The following FAM184B variants were observed in gnomAD, a reference collection of about 807,000 sequenced individuals.
FAM184B encodes the protein family with sequence similarity 184 member B, also known as protein FAM184B.
In FAM184B, 111 loss-of-function variants were observed where a neutral mutation model predicts 135.9. The ratio of observed to expected loss-of-function variants is 0.82; its 90% CI spans 0.70 to 0.96. The LOEUF is 0.96. Among genes scored for constraint, FAM184B ranks in the 40% least tolerant of loss-of-function variants. The pLI is 0.00. For missense variants in FAM184B, 1,375 were observed against 1,323.9 expected, an observed-to-expected ratio of 1.04 and a Z score of -0.60; for synonymous variants, 552 against 524.8, an observed-to-expected ratio of 1.05 and a Z score of -0.71.
intron 13 of FAM184B, among the ~76,000 whole-genome samples, chr4:17,641,643 CTTTTTTTTTTT>C (rs34886078): frequency 7.0e-4 from 17 of 24,376 alleles, no homozygotes; most frequent in South Asian, 2.2e-3. Context: ...CACGCCCGGC[CTTTTTTTTTTT>C]TTTTTTTTTT....
chr4:17,712,660 T>C lies in FAM184B; in HGVS notation c.142-3016A>G, dbSNP rs565465036. ...GAGGTCAGGGCAACATCAGGGATCC[T>C]GGGGGAGGCTGAGCAAGTGGGGAGC... On this transcript the variant is annotated intron_variant, in intron 1 of 17. Coordinates refer to ENST00000265018, the MANE Select transcript of FAM184B (RefSeq NM_015688.2). Among the ~76,000 whole-genome samples, 6 of 152,222 alleles carry C rather than the reference T, an allele frequency of 3.9e-5. No individual in the cohort carries two copies. In the East Asian group the frequency reaches 9.7e-4, roughly 25 times the overall value.
intron 6 of FAM184B, among the ~76,000 whole-genome samples, chr4:17,689,543 C>A (rs10939747): frequency 0.61 from 91,999 of 151,970 alleles, 28,398 homozygotes; most frequent in East Asian, 0.87. Context: ...TGTTTATAAC[C>A]CCAATGACAC....
rs1256817690 is a variant in FAM184B at position 17,781,106 on chromosome 4, C to A, written c.141+53G>T. The stretch of plus-strand genomic sequence containing the variant: ...CGGGAGGCGCATCCGCACTGACTCC[C>A]GGCTCGGGCGCCCCGGGCGTGCAGC... On this transcript the variant is annotated intron_variant, in intron 1 of 17. Transcript: ENST00000265018. The surrounding 1 kb of genome is among the most constrained non-coding windows in gnomAD (Gnocchi z 6.5). The A allele has an allele frequency of 2.0e-6, 3 of 1,465,562 alleles. No homozygotes were observed. The Admixed American group carries it at 7.1e-5, about 34-fold the overall frequency. The allele number at this position is 1,465,562 out of a possible 1,614,324, so 90.8% of individuals were successfully genotyped here.
intron 1 of FAM184B, among the ~76,000 whole-genome samples, chr4:17,719,117 A>G (rs1717464195): frequency 6.6e-6 from 1 of 152,248 alleles, no homozygotes; most frequent in African/African-American, 2.4e-5. Context: ...GAGGTTAACA[A>G]CAATCACTAG....
At chr4:17,729,244 G>C (rs1484911252) in intron 1 of FAM184B, among the ~76,000 whole-genome samples, 1 of 152,262 alleles carries the variant, frequency 6.6e-6, no homozygotes, top group African/African-American at 2.4e-5. Flanking sequence ...AAACAAAGCA[G>C]CTGGGAAGCT....
intron 1 of FAM184B, among the ~76,000 whole-genome samples, chr4:17,755,621 C>T (rs1482712201): frequency 6.6e-6 from 1 of 152,122 alleles, no homozygotes; most frequent in African/African-American, 2.4e-5. Context: ...ATGTTCATTG[C>T]AGCACTATGC....
intron 1 of FAM184B, among the ~76,000 whole-genome samples, chr4:17,725,266 T>C: frequency 6.6e-6 from 1 of 152,058 alleles, no homozygotes; most frequent in East Asian, 1.9e-4. Context: ...AGTGAATAAA[T>C]GGTGAAAAAA....
rs1428624018 is a variant in FAM184B at position 17,631,506 on chromosome 4, T to TCA, written c.*1024_*1025dup. 6.6e-6 allele frequency: 1 copy of TCA among 152,166 alleles called. No homozygotes were observed. Among genetic ancestry groups the TCA allele is most frequent in the Non-Finnish European group, 1.5e-5 (1 of 68,048 alleles). 9.4% of individuals were successfully genotyped at this position (152,166 alleles called of 1,614,324 possible). ...CAAAGAACAGATAATCTAGAGACCT[T>TCA]CACAAGTGATCATGTTGGCACTATG... On this transcript the variant is annotated 3_prime_UTR_variant, in exon 18 of 18. Transcript: ENST00000265018.
At chr4:17,760,170 T>C (rs1224164395) in intron 1 of FAM184B, among the ~76,000 whole-genome samples, 3 of 152,054 alleles carry the variant, frequency 2.0e-5, no homozygotes, top group African/African-American at 4.8e-5. Context: ...TCTTGTAGAT[T>C]AAGAACTGAA....
chr4:17,763,814 ACAG>A (rs1210407296), intron 1 of FAM184B, among the ~76,000 whole-genome samples: 1 of 152,188 alleles, frequency 6.6e-6, no homozygotes, highest in Non-Finnish European at 1.5e-5. Flanking sequence ...AGTGCAAGGA[ACAG>A]CAGATGTTTG....
At chr4:17,705,445 T>A (rs1027834771) in intron 4 of FAM184B, among the ~76,000 whole-genome samples, 9 of 152,236 alleles carry the variant, frequency 5.9e-5, no homozygotes, top group Admixed American at 2.6e-4. Context: ...CAGCCCATAC[T>A]ATGGTAGATT....
At position 17,709,622 on chromosome 4, in the gene FAM184B, C is replaced by T. The variant is rs557375448; in HGVS notation, c.164G>A (p.Arg55His). Residue 55 changes from arginine to histidine, a missense_variant, in exon 2 of 18, where the codon CGC (arginine) becomes CAC (histidine). Physicochemically the swap from Arg to His is conservative, Grantham distance 29. Transcript: ENST00000265018. ...CATGCTGGCCTCAGCCTCATCCTGGCGGGTGTTCAGGGCATAAATCACCTG... is the reference window on the plus strand; with the variant it reads ...CATGCTGGCCTCAGCCTCATCCTGGTGGGTGTTCAGGGCATAAATCACCTG... ...LTKVIYALNT[R>H]QDEAEASMEA... The T allele has an allele frequency of 3.9e-6, 6 of 1,520,520 alleles. No homozygotes were observed. In the East Asian group the frequency reaches 9.8e-5, roughly 25 times the overall value. The allele number at this position is 1,520,520 out of a possible 1,614,324, so 94.2% of individuals were successfully genotyped here.
In FAM184B at chr4:17,660,003, A is replaced by T; in HGVS notation, c.1779T>A (p.Arg593=). The change falls in exon 9 of 18, where the codon CGT becomes CGA. Residue 593 remains arginine, a synonymous_variant. Transcript: ENST00000265018. ...LLKEKTSKIQ[R]LEEDWQSQKA... ...TCTGGCTTTGCCAGTCCTCCTCTAG[A>T]CGCTGGATTTTGGATGTTTTCTCCT... 1.3e-6 allele frequency: 2 copies of T among 1,551,460 alleles called. No homozygotes were observed. The highest frequency in any genetic ancestry group is 1.7e-6 in the Non-Finnish European group (2 of 1,146,984).
At chr4:17,681,448 G>A (rs1716431092) in intron 7 of FAM184B, among the ~76,000 whole-genome samples, 1 of 152,220 alleles carries the variant, frequency 6.6e-6, no homozygotes, top group African/African-American at 2.4e-5. Context: ...ACCTCTCCAT[G>A]GAGTGAAGGG....
chr4:17,698,143 C>T (rs1394936103), intron 5 of FAM184B, among the ~76,000 whole-genome samples: 1 of 151,984 alleles, frequency 6.6e-6, no homozygotes, highest in African/African-American at 2.4e-5. Flanking sequence ...GAGACTAATG[C>T]TCTCAGATAT....
At chr4:17,706,926 C>T (rs952596253) in intron 3 of FAM184B, among the ~76,000 whole-genome samples, 1 of 152,010 alleles carries the variant, frequency 6.6e-6, no homozygotes, top group African/African-American at 2.4e-5. Context: ...GCTAGGATTA[C>T]AGGCACCCCT....
rs1718642103 is a variant in FAM184B at position 17,765,367 on chromosome 4, A to G, written c.141+15792T>C. 2.0e-5 allele frequency among the ~76,000 whole-genome samples: 3 copies of G among 152,274 alleles called. 1 individual carries two copies. Among genetic ancestry groups the G allele is most frequent in the South Asian group, 4.2e-4 (2 of 4,816 alleles). Reference sequence around the variant, plus strand: ...TCTACCTCAAGGAAACGTCTAGCAAATAGAATCAAACGAGGGGCCACTACA... The same window carrying G: ...TCTACCTCAAGGAAACGTCTAGCAAGTAGAATCAAACGAGGGGCCACTACA... On this transcript the variant is annotated intron_variant, in intron 1 of 17. Transcript: ENST00000265018.
chr4:17,708,503 G>C (rs1717165497), intron 2 of FAM184B, among the ~76,000 whole-genome samples: 1 of 150,856 alleles, frequency 6.6e-6, no homozygotes, highest in East Asian at 2.0e-4. Context: ...AAATTAGCTG[G>C]GTATGGTGGT....
intron 1 of FAM184B, among the ~76,000 whole-genome samples, chr4:17,715,843 A>G (rs540163867): frequency 3.9e-4 from 60 of 152,258 alleles, no homozygotes; most frequent in African/African-American, 1.4e-3. Context: ...GTAAGTTATA[A>G]TTTATTTCTC....
Sources: allele counts gnomAD v4.1 joint callset (sites outside exome capture counted in the v4.1 genomes callset), GRCh38; gene constraint gnomAD v4.1.1; non-coding constraint Gnocchi (gnomAD v3.1); transcripts MANE v1.5; gene names NCBI Gene and HGNC (gene_info 2026-07-23, HGNC 2026-07-21).